Variants in PLCB1 observed in about 807,000 individuals in gnomAD.
The protein encoded by PLCB1 is phospholipase C beta 1.
PLCB1 carries 46 observed loss-of-function variants against 161.8 expected under a neutral mutation model. That is an observed-to-expected ratio of 0.28 (90% CI 0.22 to 0.36). The LOEUF is 0.36. Among genes scored for constraint, PLCB1 ranks in the 10% least tolerant of loss-of-function variants. The pLI, the probability that PLCB1 is intolerant of heterozygous loss-of-function variation, is 1.00. For missense variants in PLCB1, 1,016 were observed against 1,472.5 expected (o/e 0.69, Z 5.07); for synonymous variants, 517 against 503.7 (o/e 1.03, Z -0.35).
At chr20:8,881,356 T>TGTGTGTGTGTGTGC in intron 31 of PLCB1, among the ~76,000 whole-genome samples, 1 of 147,896 alleles carries the variant, frequency 6.8e-6, no homozygotes, top group African/African-American at 2.5e-5. Context: ...TGTGTGTGTG[T>TGTGTGTGTGTGTGC]GTGCATTTGT....
At chr20:8,530,451 T>C (rs999836488) in intron 3 of PLCB1, among the ~76,000 whole-genome samples, 3 of 152,098 alleles carry the variant, frequency 2.0e-5, no homozygotes, top group Non-Finnish European at 1.5e-5. Context: ...CTTTGATCCA[T>C]GAATTGTTTA....
intron 3 of PLCB1, among the ~76,000 whole-genome samples, chr20:8,476,495 C>T (rs1250570210): frequency 6.6e-6 from 1 of 152,178 alleles, no homozygotes; most frequent in Non-Finnish European, 1.5e-5. Flanking sequence ...TGGCTGGATG[C>T]TAAAGTTAAT....
At chr20:8,733,784 T>TATA (rs199683575) in intron 19 of PLCB1, among the ~76,000 whole-genome samples, 22,287 of 138,874 alleles carry the variant, frequency 0.16, 1,816 homozygotes, top group Middle Eastern at 0.22. Flanking sequence ...AAACTTAAAG[T>TATA]ATAATAATAA....
At chr20:8,331,848 T>TATCA (rs1985377390) in intron 2 of PLCB1, among the ~76,000 whole-genome samples, 3 of 152,214 alleles carry the variant, frequency 2.0e-5, no homozygotes, top group African/African-American at 7.2e-5. Context: ...TATGGCTTAA[T>TATCA]ATCACTTCAC....
chr20:8,330,014 T>C (rs532979367), intron 2 of PLCB1, among the ~76,000 whole-genome samples: 1 of 152,306 alleles, frequency 6.6e-6, no homozygotes, highest in Admixed American at 6.5e-5. Flanking sequence ...AATAGGTAGG[T>C]GGCAAGACGG....
intron 31 of PLCB1, among the ~76,000 whole-genome samples, chr20:8,857,034 A>G (rs1384955785): frequency 6.6e-6 from 1 of 152,168 alleles, no homozygotes; most frequent in Non-Finnish European, 1.5e-5. Flanking sequence ...ACCCGCTTTC[A>G]TGTTTGAGGG....
At chr20:8,688,703 A>T (rs4274658) in intron 10 of PLCB1, among the ~76,000 whole-genome samples, 99,931 of 151,964 alleles carry the variant, frequency 0.66, 33,935 homozygotes, top group South Asian at 0.78. Flanking sequence ...CATTGTTCTG[A>T]GTGCCTATTT....
intron 3 of PLCB1, among the ~76,000 whole-genome samples, chr20:8,513,227 T>C (rs1306627061): frequency 6.6e-6 from 1 of 152,198 alleles, no homozygotes; most frequent in African/African-American, 2.4e-5. Context: ...TTCAGTAGTG[T>C]TGGACATATT....
chr20:8,605,987 AT>A (rs748257258), intron 3 of PLCB1, among the ~76,000 whole-genome samples: 1 of 152,092 alleles, frequency 6.6e-6, no homozygotes, highest in African/African-American at 2.4e-5. Flanking sequence ...ACATGATTTC[AT>A]TCTTTTCATG....
intron 3 of PLCB1, among the ~76,000 whole-genome samples, chr20:8,541,238 G>A (rs1985303038): frequency 6.6e-6 from 1 of 152,178 alleles, no homozygotes; most frequent in Non-Finnish European, 1.5e-5. Context: ...CTTTGTAACT[G>A]CTGGTGTGCC....
intron 31 of PLCB1, among the ~76,000 whole-genome samples, chr20:8,821,233 C>A (rs545378048): frequency 1.2e-3 from 183 of 151,698 alleles, no homozygotes; most frequent in African/African-American, 4.3e-3. Flanking sequence ...GTAAACCCAG[C>A]ACTTTGGGAG....
intron 3 of PLCB1, among the ~76,000 whole-genome samples, chr20:8,474,586 G>T (rs1390796493): frequency 1.3e-5 from 2 of 152,084 alleles, no homozygotes; most frequent in South Asian, 4.1e-4. Flanking sequence ...GGATGCTGCT[G>T]TAGGCCCTCA....
chr20:8,729,348 G>T (rs1228728091), intron 18 of PLCB1, 174 bp downstream of exon 18: 1 of 430,040 alleles, frequency 2.3e-6, no homozygotes, highest in Non-Finnish European at 4.0e-6. Context: ...TGAAAATCGA[G>T]ACATGTTCTT....
chr20:8,735,781 TAAAC>T (rs1220731401), intron 19 of PLCB1, among the ~76,000 whole-genome samples: 5 of 152,200 alleles, frequency 3.3e-5, no homozygotes, highest in Non-Finnish European at 5.9e-5. Flanking sequence ...AACCTCAAGT[TAAAC>T]AAAGAGATTG....
At chr20:8,255,627 T>G (rs1053005006) in intron 2 of PLCB1, among the ~76,000 whole-genome samples, 11 of 152,008 alleles carry the variant, frequency 7.2e-5, no homozygotes, top group African/African-American at 2.7e-4. Flanking sequence ...GACAACCAGT[T>G]AGCCAGTTCA....
At chr20:8,282,251 C>T (rs1982909183) in intron 2 of PLCB1, among the ~76,000 whole-genome samples, 1 of 152,126 alleles carries the variant, frequency 6.6e-6, no homozygotes, top group Non-Finnish European at 1.5e-5. Context: ...AAGAGAATCA[C>T]AAAGATGAAA....
intron 2 of PLCB1, among the ~76,000 whole-genome samples, chr20:8,349,253 G>A (rs893304851): frequency 6.6e-6 from 1 of 152,118 alleles, no homozygotes; most frequent in Non-Finnish European, 1.5e-5. Flanking sequence ...GATTAGACAG[G>A]TGACAAGAAG....
In PLCB1 at chr20:8,371,118, T is replaced by C. The variant is rs1307535498; in HGVS notation, c.178-264T>C. 7.6e-6 allele frequency: 3 copies of C among 392,420 alleles called. No individual in the cohort carries two copies. The East Asian group carries it at 1.3e-4, about 17-fold the overall frequency. 24.3% of individuals were successfully genotyped at this position (392,420 alleles called of 1,614,324 possible). A position where few individuals can be genotyped will look rare whatever the true frequency, so the allele number is the denominator to read the frequency against. ...AACAAGAAGACCTGATTCATCATGATTTAGGAATGGCTTGTAGGATAGACT... is the reference window on the plus strand; with the variant it reads ...AACAAGAAGACCTGATTCATCATGACTTAGGAATGGCTTGTAGGATAGACT... On this transcript the variant is annotated intron_variant, in intron 2 of 31. Coordinates refer to ENST00000338037, the MANE Select transcript of PLCB1 (RefSeq NM_015192.4).
intron 2 of PLCB1, among the ~76,000 whole-genome samples, chr20:8,235,406 A>G (rs1980266293): frequency 6.6e-6 from 1 of 152,132 alleles, no homozygotes; most frequent in Non-Finnish European, 1.5e-5. Flanking sequence ...AAATATATCC[A>G]TATAATTATT....
Sources: allele counts gnomAD v4.1 joint callset (sites outside exome capture counted in the v4.1 genomes callset), GRCh38; gene constraint gnomAD v4.1.1; transcripts MANE v1.5; gene names NCBI Gene and HGNC (gene_info 2026-07-23, HGNC 2026-07-21).